ARRDC5: variants seen among roughly 807,000 people sequenced by gnomAD.
The protein encoded by ARRDC5 is arrestin domain containing 5, also known as arrestin domain-containing protein 5.
ARRDC5 carries 12 observed loss-of-function variants against 13.3 expected under a neutral mutation model. The ratio of observed to expected loss-of-function variants is 0.90; its 90% confidence interval spans 0.58 to 1.46. The LOEUF is 1.46. Among genes scored for constraint, ARRDC5 ranks in the 40% most tolerant of loss-of-function variants. ARRDC5 has a pLI of 0.00. For missense variants in ARRDC5, 406 were observed against 418.7 expected (o/e 0.97, Z 0.26); for synonymous variants, 181 against 173.4 (o/e 1.04, Z -0.34).
At chr19:4,905,556 T>C (rs920000774), upstream of ARRDC5, among the ~76,000 whole-genome samples, 1 of 150,870 alleles carries the variant, frequency 6.6e-6, no homozygotes, top group Non-Finnish European at 1.5e-5. Context: ...TTGCTCTTGT[T>C]GCCCAGGCTG....
the ARRDC5 span, chr19:4,909,364 A>T: frequency 1.6e-6 from 1 of 611,002 alleles, no homozygotes. Flanking sequence ...CGCCGTGGAC[A>T]GAGGCGGGGG....
chr19:4,914,352 C>G, the ARRDC5 span, among the ~76,000 whole-genome samples: 4 of 152,114 alleles, frequency 2.6e-5, no homozygotes, highest in Non-Finnish European at 2.9e-5. Flanking sequence ...CCGGTGGGCA[C>G]AAATGGGCAG....
intron 2 of ARRDC5, among the ~76,000 whole-genome samples, chr19:4,895,422 C>CAAAAA (rs1039157516): frequency 1.2e-3 from 86 of 70,502 alleles, no homozygotes; most frequent in Non-Finnish European, 1.8e-3. Flanking sequence ...GACTCCGTCT[C>CAAAAA]AAAAAAAAAA....
intron 2 of ARRDC5, among the ~76,000 whole-genome samples, chr19:4,894,536 T>A (rs1599211235): frequency 6.3e-5 from 6 of 95,286 alleles, no homozygotes; most frequent in Non-Finnish European, 1.0e-4. Flanking sequence ...AAAAAAAAAT[T>A]AGCCGGGCAT....
At chr19:4,895,650 C>A (rs2779173) in intron 2 of ARRDC5, among the ~76,000 whole-genome samples, 23,673 of 152,060 alleles carry the variant, frequency 0.16, 2,409 homozygotes, top group Non-Finnish European at 0.23. Context: ...GCTGCACTGC[C>A]CGTCCTTCTC....
At chr19:4,905,108 CTTTTTTTTTTTTTTT>C (rs61443004), upstream of ARRDC5, among the ~76,000 whole-genome samples, 1 of 95,192 alleles carries the variant, frequency 1.1e-5, no homozygotes, top group South Asian at 3.2e-4. Flanking sequence ...CGTAAACTTT[CTTTTTTTTTTTTTTT>C]TTTTTTTTTT....
the ARRDC5 span, among the ~76,000 whole-genome samples, chr19:4,912,609 C>T: frequency 1.3e-5 from 2 of 152,154 alleles, no homozygotes; most frequent in Non-Finnish European, 2.9e-5. Flanking sequence ...TATCTTGAAG[C>T]GCTCTGTCTT....
chr19:4,914,302 G>T, the ARRDC5 span, among the ~76,000 whole-genome samples: 8 of 152,262 alleles, frequency 5.3e-5, no homozygotes, highest in Admixed American at 5.2e-4. Flanking sequence ...CGTGAAGTCT[G>T]CAGGCACCCA....
At chr19:4,901,779 C>T (rs945675136) in intron 1 of ARRDC5, among the ~76,000 whole-genome samples, 7 of 152,044 alleles carry the variant, frequency 4.6e-5, no homozygotes, top group Admixed American at 1.3e-4. Context: ...ATAATTTCCC[C>T]GACAACTCAG....
At chr19:4,909,554 C>G in the ARRDC5 span, 3 of 658,782 alleles carry the variant, frequency 4.6e-6, no homozygotes, top group South Asian at 4.7e-5. Flanking sequence ...CTCCGGGTCG[C>G]ACGCAAGTCC....
At chr19:4,911,823 C>T in the ARRDC5 span, among the ~76,000 whole-genome samples, 6 of 152,196 alleles carry the variant, frequency 3.9e-5, no homozygotes, top group East Asian at 1.9e-4. Flanking sequence ...ACAGTGTGAT[C>T]GAAGGTGTAG....
rs2031567129 is a variant in ARRDC5 at position 4,893,111 on chromosome 19, T to TATATATATATTATAATAATATA, written c.460-1539_460-1538insTATATTATTATAATATATATAT. ...AGCAAGACTCCGTCTCAAAAATAAA[T>TATATATATATTATAATAATATA]ATATATATTATAATAATATAATATA... is the stretch of plus-strand genomic sequence containing the variant. On this transcript the variant is annotated intron_variant, in intron 2 of 2. Coordinates refer to ENST00000650722, the MANE Select transcript of ARRDC5 (RefSeq NM_001080523.3). 2.1e-5 allele frequency among the ~76,000 whole-genome samples: 3 copies of TATATATATATTATAATAATATA among 141,286 alleles called. No individual in the cohort carries two copies. The South Asian group carries it at 6.5e-4, about 30-fold the overall frequency. The allele number at this position is 141,286 out of a possible 152,430, so 92.7% of individuals were successfully genotyped here. A position where few individuals can be genotyped will look rare whatever the true frequency, so the allele number is the denominator to read the frequency against.
At chr19:4,911,134 C>A in the ARRDC5 span, 29 of 1,254,256 alleles carry the variant, frequency 2.3e-5, no homozygotes, top group Non-Finnish European at 2.8e-5. Context: ...CCTCCCCCCC[C>A]AACAACCTCG....
At chr19:4,906,540 G>A (rs1463290207), upstream of ARRDC5, among the ~76,000 whole-genome samples, 1 of 152,070 alleles carries the variant, frequency 6.6e-6, no homozygotes, top group Non-Finnish European at 1.5e-5. Flanking sequence ...GATCACCTAA[G>A]GTCAGGAGTT....
At chr19:4,909,840 CG>C in the ARRDC5 span, 1 of 401,354 alleles carries the variant, frequency 2.5e-6, no homozygotes, top group East Asian at 3.7e-5. Flanking sequence ...CGGCTGGAGC[CG>C]GGACCAGCGC....
chr19:4,896,348 ATTTTTTTT>A (rs1225628606), intron 2 of ARRDC5, among the ~76,000 whole-genome samples: 4,042 of 59,132 alleles, frequency 0.068, 150 homozygotes, highest in Admixed American at 0.15. Flanking sequence ...ATATATATAT[ATTTTTTTT>A]TTTTTACACA....
At chr19:4,902,312 T>C (rs1207355652) in intron 1 of ARRDC5, among the ~76,000 whole-genome samples, 1 of 152,236 alleles carries the variant, frequency 6.6e-6, no homozygotes, top group Admixed American at 6.5e-5. Flanking sequence ...AAGGCAGTTG[T>C]TGGATTGAGC....
chr19:4,910,383 C>CCGGGGTCCGCGGATCT, the ARRDC5 span: 1 of 148,290 alleles, frequency 6.7e-6, no homozygotes. Context: ...CCGAGGGGTC[C>CCGGGGTCCGCGGATCT]CGGGGTCCGC....
chr19:4,907,548 G>T (rs947719655), upstream of ARRDC5, among the ~76,000 whole-genome samples: 1 of 151,904 alleles, frequency 6.6e-6, no homozygotes, highest in South Asian at 2.1e-4. Context: ...GGGATTACAC[G>T]TGTGAGCCAC....
Sources: allele counts gnomAD v4.1 joint callset (sites outside exome capture counted in the v4.1 genomes callset), GRCh38; gene constraint gnomAD v4.1.1; transcripts MANE v1.5; gene names NCBI Gene and HGNC (gene_info 2026-07-23, HGNC 2026-07-21).